Variants in PHACTR1 observed in about 807,000 individuals in gnomAD.
PHACTR1 encodes the protein phosphatase and actin regulator 1, also known as RPEL repeat containing 1.
A neutral mutation model predicts 69.2 loss-of-function variants in PHACTR1; 16 were observed. The ratio of observed to expected loss-of-function variants is 0.23; its 90% CI spans 0.16 to 0.35. PHACTR1 has a LOEUF of 0.35. PHACTR1 is among the 10% of genes least tolerant of loss of function. PHACTR1 has a pLI of 1.00. For missense variants in PHACTR1, 510 were observed against 734.7 expected, an observed-to-expected ratio of 0.69 and a Z score of 3.54; for synonymous variants, 312 against 284.5, an observed-to-expected ratio of 1.10 and a Z score of -0.97.
At chr6:13,184,002 T>A (rs1163318449) in intron 7 of PHACTR1, among the ~76,000 whole-genome samples, 1 of 152,026 alleles carries the variant, frequency 6.6e-6, no homozygotes, top group Admixed American at 6.5e-5. Flanking sequence ...GAGGAATTGA[T>A]AAAAGAAAAC....
At chr6:13,146,999 T>C (rs908094027) in intron 5 of PHACTR1, among the ~76,000 whole-genome samples, 6 of 152,188 alleles carry the variant, frequency 3.9e-5, no homozygotes, top group African/African-American at 1.2e-4. Context: ...CATCAACACT[T>C]TCATCACATG....
At chr6:13,002,013 A>G (rs1389701426) in intron 4 of PHACTR1, among the ~76,000 whole-genome samples, 1 of 152,228 alleles carries the variant, frequency 6.6e-6, no homozygotes, top group Non-Finnish European at 1.5e-5. Context: ...TGCTCTAAAC[A>G]GTTCTCAGCA....
At chr6:13,028,730 ATAAG>A in intron 4 of PHACTR1, among the ~76,000 whole-genome samples, 1 of 152,328 alleles carries the variant, frequency 6.6e-6, no homozygotes, top group African/African-American at 2.4e-5. Context: ...TGTGGCAACC[ATAAG>A]TATCTCTAGA....
intron 5 of PHACTR1, among the ~76,000 whole-genome samples, chr6:13,133,915 G>A (rs1166110687): frequency 2.1e-5 from 3 of 146,226 alleles, no homozygotes; most frequent in Non-Finnish European, 3.0e-5. Context: ...GCCGCCCATC[G>A]TCTGAGATGT....
At chr6:12,933,893 G>A (rs776639478) in intron 4 of PHACTR1, 33 of 1,612,198 alleles carry the variant, frequency 2.0e-5, no homozygotes, top group Middle Eastern at 1.7e-4. Context: ...GTTTGGCTGA[G>A]AGGACATTTA....
At chr6:13,084,394 G>A in intron 5 of PHACTR1, among the ~76,000 whole-genome samples, 2 of 120,064 alleles carry the variant, frequency 1.7e-5, no homozygotes, top group African/African-American at 3.1e-5. Flanking sequence ...GAGGGGGGAG[G>A]GATAGCATTA....
rs994729372 is a variant in PHACTR1 at position 13,167,936 on chromosome 6, T to A, written c.496+7652T>A. 3.3e-5 allele frequency among the ~76,000 whole-genome samples: 5 copies of A among 152,356 alleles called. No individual in the cohort carries two copies. In the East Asian group the frequency reaches 9.6e-4, roughly 29 times the overall value. ...GTATTTTAAAAATAAAAATAAAACT[T>A]CTTCTCTGTATTAGAGGAGACAAAT... On this transcript the variant is annotated intron_variant, in intron 6 of 14. Coordinates refer to ENST00000332995, the MANE Select transcript of PHACTR1 (RefSeq NM_030948.6).
chr6:13,230,439 G>A (rs1162464346), intron 10 of PHACTR1: 25 of 756,976 alleles, frequency 3.3e-5, no homozygotes, highest in Non-Finnish European at 4.3e-5. Context: ...CCAGCTACTC[G>A]GGAGGCTGAG....
intron 4 of PHACTR1, among the ~76,000 whole-genome samples, chr6:12,858,163 C>T (rs977939804): frequency 6.6e-6 from 1 of 152,078 alleles, no homozygotes; most frequent in Non-Finnish European, 1.5e-5. Flanking sequence ...GCTGGGAAGG[C>T]CTTTAAGGGA....
At chr6:13,049,643 T>G (rs1393361822) in intron 4 of PHACTR1, among the ~76,000 whole-genome samples, 2 of 152,052 alleles carry the variant, frequency 1.3e-5, no homozygotes, top group East Asian at 3.9e-4. Context: ...CTACCAGGAG[T>G]ATTTCATTTT....
intron 5 of PHACTR1, among the ~76,000 whole-genome samples, chr6:13,065,441 C>T (rs552681787): frequency 1.3e-5 from 2 of 151,894 alleles, no homozygotes; most frequent in South Asian, 4.2e-4. Flanking sequence ...CAGATCTTGA[C>T]AAGATGGTGT....
chr6:12,869,101 T>C (rs1781762326), intron 4 of PHACTR1, among the ~76,000 whole-genome samples: 1 of 152,162 alleles, frequency 6.6e-6, no homozygotes, highest in Non-Finnish European at 1.5e-5. Flanking sequence ...CTAATCTGCA[T>C]GTCCCTCAGA....
intron 4 of PHACTR1, chr6:12,957,975 C>T: frequency 1.0e-6 from 1 of 985,358 alleles, no homozygotes. Flanking sequence ...TATTGGAAAG[C>T]CAGGAAACAG....
chr6:12,951,656 G>A (rs775642576), intron 4 of PHACTR1, among the ~76,000 whole-genome samples: 1 of 152,150 alleles, frequency 6.6e-6, no homozygotes, highest in South Asian at 2.1e-4. Flanking sequence ...AAGTCCCTGA[G>A]GGAGTTAGGC....
intron 4 of PHACTR1, among the ~76,000 whole-genome samples, chr6:12,851,875 C>A (rs1002824389): frequency 2.0e-5 from 3 of 151,914 alleles, no homozygotes; most frequent in Admixed American, 1.3e-4. Context: ...TACTCTGTTA[C>A]CCAGACTGGA....
intron 4 of PHACTR1, among the ~76,000 whole-genome samples, chr6:12,759,941 T>A (rs905296090): frequency 6.6e-6 from 1 of 152,230 alleles, no homozygotes; most frequent in Admixed American, 6.5e-5. Context: ...GGCATTTAAC[T>A]TCTCCCTTCC....
intron 10 of PHACTR1, among the ~76,000 whole-genome samples, chr6:13,231,768 T>G (rs12660606): frequency 0.11 from 17,156 of 152,278 alleles, 1,342 homozygotes; most frequent in Admixed American, 0.24. Context: ...AGGTAACCTT[T>G]GTTGAGTACT....
At chr6:12,816,748 G>A (rs928334421) in intron 4 of PHACTR1, among the ~76,000 whole-genome samples, 1 of 152,156 alleles carries the variant, frequency 6.6e-6, no homozygotes, top group Non-Finnish European at 1.5e-5. Flanking sequence ...CAAGCTAGAG[G>A]GGGTCAGAAA....
intron 5 of PHACTR1, among the ~76,000 whole-genome samples, chr6:13,155,257 T>C (rs1758006356): frequency 6.6e-6 from 1 of 152,214 alleles, no homozygotes; most frequent in Admixed American, 6.5e-5. Context: ...TCGGTTGTCC[T>C]ACACTTTCTT....
Sources: allele counts gnomAD v4.1 joint callset (sites outside exome capture counted in the v4.1 genomes callset), GRCh38; gene constraint gnomAD v4.1.1; transcripts MANE v1.5; gene names NCBI Gene and HGNC (gene_info 2026-07-23, HGNC 2026-07-21).